The following LMBR1 variants were observed in gnomAD, a reference collection of about 807,000 sequenced individuals.
LMBR1 encodes limb development membrane protein 1.
LMBR1 carries 52 observed loss-of-function variants against 73.9 expected under a neutral mutation model. The observed-to-expected ratio is 0.70, with a 90% CI of 0.56 to 0.89. The LOEUF is 0.89. Among genes scored for constraint, LMBR1 ranks in the 40% least tolerant of loss-of-function variants. The probability of loss-of-function intolerance (pLI) is 0.00; values close to 1 mark genes in which losing one functional copy is unlikely to be tolerated. For synonymous variants in LMBR1, 215 were observed against 209.4 expected, an observed-to-expected ratio of 1.03 and a Z score of -0.23; for missense variants, 539 against 579.8, an observed-to-expected ratio of 0.93 and a Z score of 0.72.
intron 15 of LMBR1, among the ~76,000 whole-genome samples, chr7:156,717,373 G>A (rs1350732105): frequency 6.6e-6 from 1 of 152,210 alleles, no homozygotes; most frequent in Non-Finnish European, 1.5e-5. Context: ...AAGTAGCACA[G>A]AGCTAGATTT....
intron 15 of LMBR1, among the ~76,000 whole-genome samples, chr7:156,700,322 C>T (rs563777305): frequency 6.6e-6 from 1 of 152,074 alleles, no homozygotes; most frequent in Admixed American, 6.6e-5. Context: ...TGTTCTCACT[C>T]ATAGGTGGGA....
intron 1 of LMBR1, among the ~76,000 whole-genome samples, chr7:156,861,799 T>A (rs1011008549): frequency 6.6e-6 from 1 of 152,190 alleles, no homozygotes; most frequent in African/African-American, 2.4e-5. Flanking sequence ...TTCTAAAACA[T>A]AACAAGAGTC....
At chr7:156,873,762 C>T (rs1454153464) in intron 1 of LMBR1, among the ~76,000 whole-genome samples, 9 of 152,104 alleles carry the variant, frequency 5.9e-5, no homozygotes, top group Admixed American at 3.3e-4. Context: ...ATTTACAATC[C>T]CTGAGCTAGA....
At chr7:156,835,740 G>A (rs1395568438) in intron 2 of LMBR1, among the ~76,000 whole-genome samples, 1 of 149,162 alleles carries the variant, frequency 6.7e-6, no homozygotes, top group Admixed American at 6.7e-5. Flanking sequence ...ATGTGTTAAT[G>A]TCTCCATATT....
chr7:156,702,720 T>C (rs1334405443), intron 15 of LMBR1, among the ~76,000 whole-genome samples: 2 of 152,236 alleles, frequency 1.3e-5, no homozygotes, highest in Admixed American at 1.3e-4. Flanking sequence ...AAACTAAACA[T>C]ACTCTTAGCA....
chr7:156,828,175 C>A (rs1248724922), intron 3 of LMBR1, among the ~76,000 whole-genome samples: 9 of 152,214 alleles, frequency 5.9e-5, no homozygotes, highest in Admixed American at 5.9e-4. Context: ...TTTCCAGGCT[C>A]TTCTCTCACT....
At chr7:156,877,053 G>A (rs2134402777) in intron 1 of LMBR1, among the ~76,000 whole-genome samples, 1 of 152,144 alleles carries the variant, frequency 6.6e-6, no homozygotes, top group Admixed American at 6.5e-5. Context: ...TCTTCGAAAA[G>A]ATAAATAAAA....
chr7:156,729,152 G>T (rs1816358111), intron 10 of LMBR1, among the ~76,000 whole-genome samples: 1 of 152,088 alleles, frequency 6.6e-6, no homozygotes, highest in African/African-American at 2.4e-5. Context: ...ACAAAAATCA[G>T]AGTTTTAAAA....
intron 5 of LMBR1, among the ~76,000 whole-genome samples, chr7:156,790,657 A>AGATACTAT (rs1491381748): frequency 6.7e-6 from 1 of 150,326 alleles, no homozygotes; most frequent in East Asian, 1.9e-4. Context: ...TAACAGTAAC[A>AGATACTAT]GATACTATAA....
intron 1 of LMBR1, among the ~76,000 whole-genome samples, chr7:156,891,823 A>C (rs531472823): frequency 6.6e-6 from 1 of 152,316 alleles, no homozygotes; most frequent in South Asian, 2.1e-4. Flanking sequence ...CCACTAACTC[A>C]AATTCCACCA....
intron 9 of LMBR1, among the ~76,000 whole-genome samples, chr7:156,740,244 C>T (rs952662962): frequency 2.6e-5 from 4 of 151,752 alleles, no homozygotes; most frequent in Non-Finnish European, 4.4e-5. Context: ...AGCATGCCTA[C>T]GATAGCTAGA....
chr7:156,727,477 A>C lies in LMBR1; in HGVS notation c.993+453T>G, dbSNP rs149544607. Reference sequence around the variant, plus strand: ...GAAAAAGATAAGACTGTACATGGCAAAGGGTAGTTTCTTGTCTGTCTGTAG... The same window carrying C: ...GAAAAAGATAAGACTGTACATGGCACAGGGTAGTTTCTTGTCTGTCTGTAG... On this transcript the variant is annotated intron_variant, in intron 12 of 16. Transcript: ENST00000353442. 1.3e-3 allele frequency among the ~76,000 whole-genome samples: 192 copies of C among 152,276 alleles called. 1 individual carries two copies. Among genetic ancestry groups the C allele is most frequent in the South Asian group, 0.012 (59 of 4,816 alleles).
At chr7:156,761,976 C>CAAAAAAAAA (rs552712592) in intron 8 of LMBR1, among the ~76,000 whole-genome samples, 158 bp downstream of exon 8, 3 of 104,202 alleles carry the variant, frequency 2.9e-5, no homozygotes, top group African/African-American at 8.0e-5. Context: ...GACTCTGTCT[C>CAAAAAAAAA]AAAAAAAAAA....
Position 156,851,648 on chromosome 7 carries a change from A to C in LMBR1, c.67-14763T>G, listed in dbSNP as rs1796253966. On this transcript the variant is annotated intron_variant, in intron 1 of 16. Coordinates refer to ENST00000353442, the MANE Select transcript of LMBR1 (RefSeq NM_022458.4). ...TAAGTCATGATTGTAAGCCAAAAAC[A>C]ATGGAGAGAGAAAAAGTAAAGATAC... 1.3e-5 allele frequency among the ~76,000 whole-genome samples: 2 copies of C among 152,190 alleles called. 1 individual carries two copies. The highest frequency in any genetic ancestry group is 1.3e-4 in the Admixed American group (2 of 15,276).
intron 1 of LMBR1, among the ~76,000 whole-genome samples, chr7:156,861,259 T>C (rs1349144424): frequency 6.6e-6 from 1 of 152,236 alleles, no homozygotes; most frequent in East Asian, 1.9e-4. Context: ...AAACACCATG[T>C]TGAAGCTGCC....
rs190713716 is a variant in LMBR1 at position 156,726,154 on chromosome 7, A to C, written c.994-317T>G. On this transcript the variant is annotated intron_variant, in intron 12 of 16. Coordinates refer to ENST00000353442, the MANE Select transcript of LMBR1 (RefSeq NM_022458.4). ...TTGCCACTTGAGGAAAAAAATCCTG[A>C]ATAGTTTTGGGAAAGAGTTTTTAAA... 2.1e-5 allele frequency: 5 copies of C among 232,822 alleles called. No individual in the cohort carries two copies. In the East Asian group the frequency reaches 3.8e-4, roughly 18 times the overall value. The allele number at this position is 232,822 out of a possible 1,614,324, so 14.4% of individuals were successfully genotyped here.
chr7:156,728,251 G>C (rs1298425728), intron 11 of LMBR1, among the ~76,000 whole-genome samples: 1 of 152,266 alleles, frequency 6.6e-6, no homozygotes, highest in East Asian at 1.9e-4. Context: ...TTTACTAAGT[G>C]ATCTCACCAA....
At chr7:156,676,302 C>A, downstream of LMBR1, 1 of 1,604,298 alleles carries the variant, frequency 6.2e-7, no homozygotes. Flanking sequence ...CAGAATGAAA[C>A]TTCCGCATGT....
chr7:156,709,895 G>GTTTTTTTTTTT (rs1458429461), intron 15 of LMBR1, among the ~76,000 whole-genome samples: 1 of 117,852 alleles, frequency 8.5e-6, no homozygotes, highest in African/African-American at 3.4e-5. Flanking sequence ...TCAGAAGGTT[G>GTTTTTTTTTTT]ATTTTTTTTT....
Sources: gnomAD v4.1 joint callset for allele counts (sites outside exome capture counted in the v4.1 genomes callset) on GRCh38, gnomAD v4.1.1 for gene constraint, MANE v1.5 for transcripts, NCBI Gene and HGNC (gene_info 2026-07-23, HGNC 2026-07-21) for gene names.